The following CDH13 variants were observed in gnomAD, a reference collection of about 807,000 sequenced individuals.
CDH13 encodes the protein cadherin 13.
In CDH13, 24 loss-of-function variants were observed where a neutral mutation model predicts 63.8. The ratio of observed to expected loss-of-function variants is 0.38; its 90% confidence interval spans 0.27 to 0.53. The LOEUF is 0.53. Ranked by LOEUF, CDH13 falls within the 20% of genes least tolerant of loss-of-function variation. The pLI, the probability that CDH13 is intolerant of heterozygous loss-of-function variation, is 0.85. For synonymous variants in CDH13, 503 were observed against 355.3 expected (o/e 1.42, Z -4.67); for missense variants, 1,049 against 903.1 (o/e 1.16, Z -2.07).
rs80220505 is a variant in CDH13 at position 83,252,934 on chromosome 16, A to T, written c.636+35437A>T. Among the ~76,000 whole-genome samples the T allele has an allele frequency of 7.1e-3, 1,088 of 152,268 alleles. 9 individuals are homozygous for T. The highest frequency in any genetic ancestry group is 0.025 in the African/African-American group (1,022 of 41,556). On this transcript the variant is annotated intron_variant, in intron 5 of 13. Coordinates refer to ENST00000567109, the MANE Select transcript of CDH13 (RefSeq NM_001257.5). ...CTGTGTCCTTGGATGGTTGACCTTA[A>T]TTAACTTTCTGAACCTCTGTGTCCT...
intron 5 of CDH13, among the ~76,000 whole-genome samples, chr16:83,225,654 CT>C (rs1372964004): frequency 1.3e-5 from 2 of 152,144 alleles, no homozygotes; most frequent in African/African-American, 2.4e-5. Flanking sequence ...GGTTCTTGAA[CT>C]TTGTTGCCCT....
chr16:82,768,182 A>C (rs192033339), intron 1 of CDH13, among the ~76,000 whole-genome samples: 1 of 152,194 alleles, frequency 6.6e-6, no homozygotes, highest in Non-Finnish European at 1.5e-5. Context: ...ACATGTGCCT[A>C]ATTTTCTCAA....
intron 1 of CDH13, among the ~76,000 whole-genome samples, chr16:82,641,306 G>C (rs1393943071): frequency 6.6e-6 from 1 of 152,186 alleles, no homozygotes; most frequent in Non-Finnish European, 1.5e-5. Flanking sequence ...AAGCATCATA[G>C]CAGAAAAAAT....
intron 1 of CDH13, among the ~76,000 whole-genome samples, chr16:82,663,156 T>G (rs539003399): frequency 1.1e-3 from 165 of 152,272 alleles, no homozygotes; most frequent in African/African-American, 3.7e-3. Flanking sequence ...CTTACTGAAG[T>G]GGCCCTTAGC....
chr16:82,889,988 C>T (rs1032063398), intron 2 of CDH13, among the ~76,000 whole-genome samples: 1 of 152,210 alleles, frequency 6.6e-6, no homozygotes, highest in African/African-American at 2.4e-5. Context: ...TACTGTCTCC[C>T]AGTACTTTGT....
chr16:83,286,668 ATT>A (rs1270958659), intron 5 of CDH13, among the ~76,000 whole-genome samples: 1 of 151,562 alleles, frequency 6.6e-6, no homozygotes, highest in Non-Finnish European at 1.5e-5. Flanking sequence ...AGGCAGGAGA[ATT>A]ACCTGAACCT....
At chr16:83,282,797 G>A (rs1404672084) in intron 5 of CDH13, among the ~76,000 whole-genome samples, 1 of 152,162 alleles carries the variant, frequency 6.6e-6, no homozygotes, top group African/African-American at 2.4e-5. Flanking sequence ...TCCTCATTCA[G>A]GGCTGCTGAT....
At chr16:83,033,425 C>G (rs1439634116) in intron 3 of CDH13, among the ~76,000 whole-genome samples, 1 of 152,016 alleles carries the variant, frequency 6.6e-6, no homozygotes, top group Non-Finnish European at 1.5e-5. Context: ...GTTTTGTTTC[C>G]CAATGACTTT....
intron 1 of CDH13, chr16:82,719,306 G>A (rs1419212043): frequency 2.0e-5 from 9 of 453,502 alleles, no homozygotes; most frequent in South Asian, 9.4e-5. Context: ...GTGTGGAGAT[G>A]CACTGTTACT....
At chr16:83,113,695 A>G (rs900156033) in intron 3 of CDH13, among the ~76,000 whole-genome samples, 2 of 151,874 alleles carry the variant, frequency 1.3e-5, no homozygotes, top group African/African-American at 4.8e-5. Flanking sequence ...GTGGTGCTTG[A>G]GTGGAGAGTA....
intron 1 of CDH13, among the ~76,000 whole-genome samples, chr16:82,828,004 C>T (rs544684501): frequency 3.2e-4 from 48 of 152,150 alleles, no homozygotes; most frequent in African/African-American, 8.9e-4. Flanking sequence ...TCTCACACTC[C>T]GGGAAACCTC....
intron 1 of CDH13, among the ~76,000 whole-genome samples, chr16:82,775,691 C>A (rs2035461868): frequency 6.6e-6 from 1 of 152,178 alleles, no homozygotes; most frequent in African/African-American, 2.4e-5. Context: ...ATTTTGTCTT[C>A]TCAATTAATG....
chr16:83,197,056 A>C (rs930984806), intron 4 of CDH13, among the ~76,000 whole-genome samples: 1 of 152,224 alleles, frequency 6.6e-6, no homozygotes, highest in African/African-American at 2.4e-5. Context: ...TCAACATGTG[A>C]ATGGTTAAAC....
At chr16:83,627,158 C>G (rs576610779) in intron 8 of CDH13, among the ~76,000 whole-genome samples, 8 of 149,410 alleles carry the variant, frequency 5.4e-5, no homozygotes, top group Admixed American at 5.3e-4. Flanking sequence ...AGTGTGGCAG[C>G]CTGCACCTGT....
intron 1 of CDH13, among the ~76,000 whole-genome samples, chr16:82,743,854 C>A (rs1465032317): frequency 6.6e-6 from 1 of 152,070 alleles, no homozygotes; most frequent in African/African-American, 2.4e-5. Flanking sequence ...AGAAAAATTT[C>A]AAGCTATTCA....
At chr16:82,657,823 A>G (rs892236466) in intron 1 of CDH13, among the ~76,000 whole-genome samples, 3 of 152,134 alleles carry the variant, frequency 2.0e-5, no homozygotes, top group African/African-American at 4.8e-5. Context: ...GAGTTTGTCA[A>G]TTTTTTTGGA....
At chr16:82,826,331 T>A (rs2151104139) in intron 1 of CDH13, 1 of 152,196 alleles carries the variant, frequency 6.6e-6, no homozygotes, top group East Asian at 1.9e-4. Context: ...GTGCTTAAAT[T>A]GTCCAAGTTG....
intron 4 of CDH13, among the ~76,000 whole-genome samples, chr16:83,152,430 T>C (rs1180822839): frequency 6.6e-6 from 1 of 152,214 alleles, no homozygotes. Flanking sequence ...ATTGTTCTAG[T>C]TTTACTAAAA....
chr16:83,701,935 C>T (rs767642292), intron 10 of CDH13, among the ~76,000 whole-genome samples: 6 of 152,278 alleles, frequency 3.9e-5, no homozygotes, highest in African/African-American at 7.2e-5. Context: ...GGTTGTGGGA[C>T]TTTGGGTAAG....
Sources: gnomAD v4.1 joint callset for allele counts (sites outside exome capture counted in the v4.1 genomes callset) on GRCh38, gnomAD v4.1.1 for gene constraint, MANE v1.5 for transcripts, NCBI Gene and HGNC (gene_info 2026-07-23, HGNC 2026-07-21) for gene names.